DMXL2: variants seen among roughly 807,000 people sequenced by gnomAD.
DMXL2 encodes dmX-like protein 2.
DMXL2 carries 103 observed loss-of-function variants against 331.1 expected under a neutral mutation model. The observed-to-expected ratio is 0.31, with a 90% CI of 0.27 to 0.37. The LOEUF (loss-of-function observed/expected upper bound fraction) is 0.37, where lower values mean the gene tolerates loss of function less well. DMXL2 is among the 10% of genes least tolerant of loss of function. The pLI is 1.00. For missense variants in DMXL2, 3,171 were observed against 3,642.9 expected (o/e 0.87, Z 3.33); for synonymous variants, 1,281 against 1,252.1 (o/e 1.02, Z -0.49).
chr15:51,479,126 C>T (rs142453784), intron 25 of DMXL2, among the ~76,000 whole-genome samples: 113 of 152,242 alleles, frequency 7.4e-4, no homozygotes, highest in African/African-American at 2.6e-3. Context: ...CCCTATTCAC[C>T]TAACAAATGA....
At chr15:51,582,871 T>C (rs1420348561) in intron 1 of DMXL2, among the ~76,000 whole-genome samples, 1 of 151,980 alleles carries the variant, frequency 6.6e-6, no homozygotes, top group Non-Finnish European at 1.5e-5. Flanking sequence ...AGTCACCTTC[T>C]CATCCTTTTC....
intron 42 of DMXL2, among the ~76,000 whole-genome samples, chr15:51,451,343 T>C (rs1463014634): frequency 2.0e-5 from 3 of 152,270 alleles, no homozygotes; most frequent in Non-Finnish European, 2.9e-5. Flanking sequence ...TTAAGCTCAA[T>C]GAATACTTTG....
At chr15:51,498,375 G>T (rs983378198) in intron 18 of DMXL2, among the ~76,000 whole-genome samples, 177 bp downstream of exon 18, 1 of 152,074 alleles carries the variant, frequency 6.6e-6, no homozygotes, top group Non-Finnish European at 1.5e-5. Flanking sequence ...TTCATATGCC[G>T]GCCTCAACCG....
chr15:51,591,298 C>T (rs2052306854), intron 1 of DMXL2, among the ~76,000 whole-genome samples: 3 of 152,214 alleles, frequency 2.0e-5, no homozygotes, highest in African/African-American at 7.2e-5. Flanking sequence ...CCGCGCCTGG[C>T]TCGGAGGGTC....
chr15:51,480,119 G>T lies in DMXL2; in HGVS notation c.6585C>A (p.Leu2195=). The T allele has an allele frequency of 6.4e-7, 1 of 1,561,700 alleles. No individual in the cohort carries two copies. The highest frequency in any genetic ancestry group is 8.7e-7 in the Non-Finnish European group (1 of 1,145,730). Reference sequence around the variant, plus strand: ...TGGTAGGCAGTGGTAGTGGAGACTGGAGCTGCTTTACTGTAGTTTCCTGTG... The same window carrying T: ...TGGTAGGCAGTGGTAGTGGAGACTGTAGCTGCTTTACTGTAGTTTCCTGTG... The part of the protein sequence containing the change: ...ESQQETTVKQ[L]QSPLPLPTTL... The change falls in exon 25 of 44, where the codon CTC becomes CTA. Residue 2195 remains leucine, a synonymous_variant. Transcript: ENST00000560891.
chr15:51,557,857 T>A (rs989561439), intron 6 of DMXL2, among the ~76,000 whole-genome samples: 1 of 152,190 alleles, frequency 6.6e-6, no homozygotes, highest in African/African-American at 2.4e-5. Context: ...TCAAATCACA[T>A]CTAAACATTA....
intron 22 of DMXL2, among the ~76,000 whole-genome samples, chr15:51,487,256 GTTCC>G (rs2042459510): frequency 6.6e-6 from 1 of 151,998 alleles, no homozygotes; most frequent in South Asian, 2.1e-4. Flanking sequence ...TGGAGTTTCA[GTTCC>G]TTATTTATGA....
chr15:51,458,904 AGCAG>A, intron 34 of DMXL2, 109 bp from the exon 35 acceptor site: 1 of 851,802 alleles, frequency 1.2e-6, no homozygotes, highest in Non-Finnish European at 1.8e-6. Flanking sequence ...TAGCAGCAGC[AGCAG>A]CAGCAGCAGC....
chr15:51,457,464 G>C lies in DMXL2; in HGVS notation c.8201C>G (p.Ser2734Ter). 6.2e-7 allele frequency: 1 copy of C among 1,613,726 alleles called. No homozygotes were observed. Among genetic ancestry groups the C allele is most frequent in the South Asian group, 1.1e-5 (1 of 90,954 alleles). The change falls in exon 37 of 44, where the codon TCA becomes TGA. Residue 2734 changes from serine (S) to a stop codon, truncating the protein, a stop_gained and splice_region_variant. Transcript: ENST00000560891. LOFTEE classifies it high-confidence loss of function. ...GGAACCACGATAATCAACATCATCT[G>C]AACTGTGAAAAACATTCATGTGTTA... Reference protein sequence around the residue: ...GEEYDRESKSSDDVDYRGSTT... With the variant: ...GEEYDRESKS
At chr15:51,530,907 T>C (rs1206576166) in intron 13 of DMXL2, among the ~76,000 whole-genome samples, 15 of 152,178 alleles carry the variant, frequency 9.9e-5, no homozygotes, top group Non-Finnish European at 2.1e-4. Flanking sequence ...TGGAAAGATA[T>C]TCCATGCTCA....
chr15:51,486,569 A>C (rs920694623), intron 22 of DMXL2, among the ~76,000 whole-genome samples: 1 of 152,210 alleles, frequency 6.6e-6, no homozygotes, highest in African/African-American at 2.4e-5. Flanking sequence ...AGCATGAAAC[A>C]AAGTATATTA....
intron 6 of DMXL2, among the ~76,000 whole-genome samples, chr15:51,551,847 A>T (rs1003689516): frequency 2.0e-5 from 3 of 152,260 alleles, no homozygotes; most frequent in African/African-American, 7.2e-5. Context: ...GTAAGGATAT[A>T]AATTATTGTT....
In DMXL2 at chr15:51,458,610, A is replaced by G. The variant is rs761865040; in HGVS notation, c.8094T>C (p.Ile2698=). The G allele has an allele frequency of 1.2e-6, 2 of 1,613,882 alleles. No individual in the cohort carries two copies. The highest frequency in any genetic ancestry group is 1.7e-6 in the Non-Finnish European group (2 of 1,179,896). The part of the protein sequence containing the change: ...FSVNKANCNE[I]VLASTHDVQE... ...GAACATCATGTGTTGAAGCCAAAAC[A>G]ATTTCATTACAATTTGCCTATAAAG... The change falls in exon 36 of 44, where the codon ATT becomes ATC. Residue 2698 remains isoleucine (I), a synonymous_variant. Transcript: ENST00000560891.
intron 10 of DMXL2, 101 bp downstream of exon 10, chr15:51,538,112 A>C: frequency 1.4e-6 from 2 of 1,409,084 alleles, no homozygotes; most frequent in East Asian, 2.3e-5. Flanking sequence ...ATAGAAAAGT[A>C]AAAAGGAGGA....
At chr15:51,513,770 A>T (rs1055368602) in intron 15 of DMXL2, among the ~76,000 whole-genome samples, 3 of 152,170 alleles carry the variant, frequency 2.0e-5, no homozygotes, top group African/African-American at 7.2e-5. Flanking sequence ...TGGCTTTTCA[A>T]ATAGAACATG....
intron 27 of DMXL2, among the ~76,000 whole-genome samples, chr15:51,475,003 CTGAT>C (rs2041448071): frequency 6.6e-6 from 1 of 151,954 alleles, no homozygotes; most frequent in African/African-American, 2.4e-5. Flanking sequence ...TCACAAGATA[CTGAT>C]TAATTACAAA....
intron 33 of DMXL2, among the ~76,000 whole-genome samples, chr15:51,462,816 C>A (rs1261925907): frequency 6.6e-6 from 1 of 152,166 alleles, no homozygotes; most frequent in Non-Finnish European, 1.5e-5. Context: ...TCTTCTTGAA[C>A]CATGTCTGCT....
At chr15:51,536,070 T>C in intron 12 of DMXL2, 96 bp downstream of exon 12, 1 of 1,158,062 alleles carries the variant, frequency 8.6e-7, no homozygotes, top group Non-Finnish European at 1.2e-6. Flanking sequence ...GAATACTTAT[T>C]AAAAATCTTA....
intron 1 of DMXL2, among the ~76,000 whole-genome samples, chr15:51,589,480 A>G (rs1199735614): frequency 6.6e-6 from 1 of 152,218 alleles, no homozygotes; most frequent in East Asian, 1.9e-4. Flanking sequence ...TAGAAGCAAA[A>G]CTGGTACAAA....
Sources: gnomAD v4.1 joint callset for allele counts (sites outside exome capture counted in the v4.1 genomes callset) on GRCh38, gnomAD v4.1.1 for gene constraint, MANE v1.5 for transcripts, NCBI Gene and HGNC (gene_info 2026-07-23, HGNC 2026-07-21) for gene names.